PPEF1: variants seen among roughly 807,000 people sequenced by gnomAD.
PPEF1 encodes serine/threonine-protein phosphatase with EF-hands 1.
A neutral mutation model predicts 53.3 loss-of-function variants in PPEF1; 12 were observed. The observed-to-expected ratio is 0.23, with a 90% CI of 0.14 to 0.36. The LOEUF is 0.36. Among genes scored for constraint, PPEF1 ranks in the 10% least tolerant of loss-of-function variants. PPEF1 has a pLI of 1.00. For synonymous variants in PPEF1, 165 were observed against 176.7 expected, an observed-to-expected ratio of 0.93 and a Z score of 0.52; for missense variants, 334 against 490.4, an observed-to-expected ratio of 0.68 and a Z score of 3.01.
intron 4 of PPEF1, among the ~76,000 whole-genome samples, chrX:18,696,684 C>T (rs1423770646): frequency 9.0e-6 from 1 of 111,384 alleles, no homozygotes. Flanking sequence ...GGGAAGCTAC[C>T]CCAGTTTTGG....
upstream of PPEF1, among the ~76,000 whole-genome samples, chrX:18,681,705 G>A (rs1928889789): frequency 1.8e-5 from 2 of 111,726 alleles, no homozygotes; most frequent in East Asian, 2.8e-4. Context: ...TGACACCATG[G>A]TCCCCCGATA....
intron 1 of PPEF1, among the ~76,000 whole-genome samples, chrX:18,715,272 CT>C (rs1391369685): frequency 2.7e-5 from 3 of 111,186 alleles, no homozygotes; most frequent in Non-Finnish European, 5.7e-5. Context: ...TGGCTCACAC[CT>C]GTAATCCCAG....
chrX:18,703,465 G>A (rs1443334949), upstream of PPEF1, among the ~76,000 whole-genome samples: 2 of 111,749 alleles, frequency 1.8e-5, no homozygotes, highest in African/African-American at 3.3e-5. Context: ...TAATTGAATA[G>A]CACCTACCTG....
chrX:18,811,532 CTCTT>C (rs776442539), intron 12 of PPEF1, among the ~76,000 whole-genome samples: 106 of 106,973 alleles, frequency 9.9e-4, no homozygotes, highest in Admixed American at 2.2e-3. Flanking sequence ...TTAATTGTCA[CTCTT>C]TATTTTTGCA....
chrX:18,821,512 ATTC>A (rs1435615332), intron 13 of PPEF1, among the ~76,000 whole-genome samples: 13 of 110,730 alleles, frequency 1.2e-4, no homozygotes, highest in Non-Finnish European at 2.3e-4. Flanking sequence ...GGTTAAAGCA[ATTC>A]TTCTGCTTCA....
intron 1 of PPEF1, among the ~76,000 whole-genome samples, chrX:18,711,841 G>A (rs759551027): frequency 5.9e-5 from 6 of 101,640 alleles, no homozygotes; most frequent in East Asian, 6.5e-4. Context: ...TGCAACCTCC[G>A]CCTCCCAGGT....
chrX:18,787,528 GCTGGGGCAAAGTATC>G (rs1203659876), intron 9 of PPEF1, among the ~76,000 whole-genome samples: 2 of 110,864 alleles, frequency 1.8e-5, no homozygotes, highest in East Asian at 5.6e-4. Context: ...CTTAGGGAGA[GCTGGGGCAAAGTATC>G]CTGATCCCAA....
chrX:18,797,724 C>T (rs1345791530), intron 10 of PPEF1, among the ~76,000 whole-genome samples: 1 of 111,153 alleles, frequency 9.0e-6, no homozygotes, highest in Non-Finnish European at 1.9e-5. Flanking sequence ...TATTTTTAGA[C>T]GGAGTCTCGT....
chrX:18,696,574 A>G (rs749210321), intron 4 of PPEF1, among the ~76,000 whole-genome samples: 1 of 112,159 alleles, frequency 8.9e-6, no homozygotes, highest in African/African-American at 3.2e-5. Flanking sequence ...TCAAATATAC[A>G]TGGAAATAGA....
In PPEF1 at chrX:18,745,131, AATTAT is replaced by A. The variant is rs1251288272; in HGVS notation, c.236-4653_236-4649del. On this transcript the variant is annotated intron_variant, in intron 3 of 15. Transcript: ENST00000470157. ...TATAATTATATTATATATATTATATAATTATATTATATATATTATATATTATAATA... is the reference window on the plus strand; with the variant it reads ...TATAATTATATTATATATATTATATAATTATATATATTATATATTATAATA... Among the ~76,000 whole-genome samples, 554 of 96,085 alleles carry A rather than the reference AATTAT, an allele frequency of 5.8e-3. 5 individuals carry two copies. Among genetic ancestry groups the A allele is most frequent in the African/African-American group, 0.019 (503 of 26,110 alleles). 83.4% of individuals were successfully genotyped at this position (96,085 alleles called of 115,157 possible).
intron 12 of PPEF1, among the ~76,000 whole-genome samples, chrX:18,816,534 T>C (rs1238067656): frequency 1.8e-5 from 2 of 111,877 alleles, no homozygotes; most frequent in African/African-American, 6.5e-5. Flanking sequence ...GTTTTATACA[T>C]ATCTGTGAGG....
chrX:18,753,917 G>C (rs987543880), intron 4 of PPEF1, among the ~76,000 whole-genome samples: 4 of 110,943 alleles, frequency 3.6e-5, no homozygotes, highest in Non-Finnish European at 7.5e-5. Flanking sequence ...ACAATGTATA[G>C]TCTGCTTTTG....
chrX:18,811,253 A>G (rs778676106), intron 12 of PPEF1, among the ~76,000 whole-genome samples: 2 of 110,937 alleles, frequency 1.8e-5, no homozygotes, highest in East Asian at 2.9e-4. Context: ...AGGTTTCTCC[A>G]TGTTGGCCAG....
chrX:18,699,188 C>T (rs181125612), intron 5 of PPEF1, among the ~76,000 whole-genome samples: 4 of 111,163 alleles, frequency 3.6e-5, no homozygotes, highest in Non-Finnish European at 5.7e-5. Flanking sequence ...CCTGAGTGGT[C>T]GTATTGCCTC....
At position 18,791,082 on chromosome X, in the gene PPEF1, T is replaced by C. The variant is rs752997325; in HGVS notation, c.1065+1809T>C. ...GGGTTTATTTCTAGACTCTTAATTA[T>C]ATTTCACAATCTCTATGTTTATCCT... On this transcript the variant is annotated intron_variant, in intron 10 of 15. Coordinates refer to ENST00000470157, the MANE Select transcript of PPEF1 (RefSeq NM_001377996.1). Among the ~76,000 whole-genome samples, 7 of 112,360 alleles carry C rather than the reference T, an allele frequency of 6.2e-5. No individual in the cohort carries two copies. The East Asian group carries it at 1.1e-3, about 18-fold the overall frequency.
intron 3 of PPEF1, among the ~76,000 whole-genome samples, chrX:18,686,853 C>T (rs1360456019): frequency 1.1e-5 from 1 of 94,901 alleles, no homozygotes; most frequent in African/African-American, 3.7e-5. Context: ...GTAAATAGAA[C>T]ACCAGGGGCT....
chrX:18,756,187 C>CT (rs933434622), intron 4 of PPEF1, among the ~76,000 whole-genome samples: 25 of 106,933 alleles, frequency 2.3e-4, no homozygotes, highest in Admixed American at 5.0e-4. Context: ...TTTAATACTA[C>CT]TTTTTTTTTT....
chrX:18,695,809 G>A (rs1014505730), intron 4 of PPEF1, among the ~76,000 whole-genome samples: 3 of 112,123 alleles, frequency 2.7e-5, no homozygotes, highest in African/African-American at 9.7e-5. Flanking sequence ...ATCTAAGATG[G>A]AGCCTTTCGA....
At chrX:18,773,855 T>C (rs1478452788) in intron 6 of PPEF1, among the ~76,000 whole-genome samples, 2 of 111,480 alleles carry the variant, frequency 1.8e-5, no homozygotes, top group Admixed American at 1.9e-4. Flanking sequence ...TATTTTTCTC[T>C]TCTCACCTCC....
Sources: gnomAD v4.1 joint callset for allele counts (sites outside exome capture counted in the v4.1 genomes callset) on GRCh38, gnomAD v4.1.1 for gene constraint, MANE v1.5 for transcripts, NCBI Gene and HGNC (gene_info 2026-07-23, HGNC 2026-07-21) for gene names.